CHN2: variants seen among roughly 807,000 people sequenced by gnomAD.
The protein encoded by CHN2 is beta-chimaerin.
Under a neutral mutation model 56.3 loss-of-function variants are expected in CHN2, and 35 were observed. That is an observed-to-expected ratio of 0.62 (90% CI 0.47 to 0.82). The LOEUF is 0.82. Among genes scored for constraint, CHN2 ranks in the 40% least tolerant of loss-of-function variants. The pLI is 0.00. For synonymous variants in CHN2, 210 were observed against 212.8 expected, an observed-to-expected ratio of 0.99 and a Z score of 0.12; for missense variants, 491 against 580.5, an observed-to-expected ratio of 0.85 and a Z score of 1.58.
intron 2 of CHN2, among the ~76,000 whole-genome samples, chr7:29,360,099 T>C (rs74660621): frequency 0.029 from 4,460 of 152,318 alleles, 243 homozygotes; most frequent in African/African-American, 0.1. Context: ...GGATCTGCAA[T>C]GTATCAAACC....
chr7:29,464,222 C>G (rs1785388531), intron 6 of CHN2, among the ~76,000 whole-genome samples: 1 of 152,298 alleles, frequency 6.6e-6, no homozygotes, highest in South Asian at 2.1e-4. Flanking sequence ...TCAATCAACA[C>G]AACAATCCTG....
intron 1 of CHN2, among the ~76,000 whole-genome samples, chr7:29,301,354 C>CACAA (rs1457037226): frequency 1.0e-4 from 14 of 140,360 alleles, no homozygotes; most frequent in Non-Finnish European, 1.9e-4. Flanking sequence ...CACACACACA[C>CACAA]ACACACACAC....
chr7:29,245,435 A>T (rs39089), intron 1 of CHN2, among the ~76,000 whole-genome samples: 110,808 of 152,126 alleles, frequency 0.73, 41,192 homozygotes, highest in East Asian at 0.93. Flanking sequence ...GGGCAAAACA[A>T]GGTGGTAGGT....
At chr7:29,416,760 A>G (rs569187214) in intron 6 of CHN2, among the ~76,000 whole-genome samples, 6 of 150,702 alleles carry the variant, frequency 4.0e-5, no homozygotes, top group African/African-American at 1.5e-4. Context: ...AATCATATGC[A>G]TATGTATGTA....
In CHN2 at chr7:29,396,854, G is replaced by A. The variant is rs758143232; in HGVS notation, c.177-1519G>A. On this transcript the variant is annotated intron_variant, in intron 4 of 12. Transcript: ENST00000222792. ...GGAGGCTCCTCCGCAAAGTTCCTAG[G>A]TCCAGTGACCTCACTATCAAAGCTC... 38 of 152,806 alleles carry A rather than the reference G, an allele frequency of 2.5e-4. 1 individual carries two copies. Among genetic ancestry groups the A allele is most frequent in the Admixed American group, 8.5e-4 (13 of 15,274 alleles). 9.5% of individuals were successfully genotyped at this position (152,806 alleles called of 1,614,324 possible).
At chr7:29,283,598 C>G (rs138857244) in intron 1 of CHN2, among the ~76,000 whole-genome samples, 2 of 152,004 alleles carry the variant, frequency 1.3e-5, no homozygotes, top group South Asian at 4.2e-4. Context: ...TATGCAAGCT[C>G]TTTATATTTA....
At chr7:29,207,294 C>G (rs1218251438) in intron 1 of CHN2, among the ~76,000 whole-genome samples, 1 of 152,190 alleles carries the variant, frequency 6.6e-6, no homozygotes, top group African/African-American at 2.4e-5. Flanking sequence ...ATAACTTGCT[C>G]AATACATGGG....
chr7:29,375,186 G>A (rs1370562953), intron 3 of CHN2, among the ~76,000 whole-genome samples: 1 of 119,228 alleles, frequency 8.4e-6, no homozygotes. Context: ...CACCGTGCTC[G>A]GCCCTTTTTT....
At chr7:29,236,484 G>T (rs1161213679) in intron 1 of CHN2, among the ~76,000 whole-genome samples, 1 of 152,226 alleles carries the variant, frequency 6.6e-6, no homozygotes, top group African/African-American at 2.4e-5. Flanking sequence ...TGTGCAGTCA[G>T]TGAAGAGCTG....
chr7:29,447,112 A>C (rs1481698251), intron 6 of CHN2, among the ~76,000 whole-genome samples: 6 of 152,210 alleles, frequency 3.9e-5, no homozygotes, highest in Admixed American at 2.6e-4. Context: ...AAAATTACAG[A>C]TGGGGGAAGA....
At chr7:29,259,020 G>C (rs1789315314) in intron 1 of CHN2, among the ~76,000 whole-genome samples, 1 of 87,284 alleles carries the variant, frequency 1.1e-5, no homozygotes, top group South Asian at 4.5e-4. Flanking sequence ...GTACTATGTA[G>C]CTTAAAAAAA....
intron 6 of CHN2, among the ~76,000 whole-genome samples, chr7:29,455,079 A>C (rs1486901242): frequency 1.3e-5 from 2 of 152,180 alleles, no homozygotes; most frequent in Non-Finnish European, 2.9e-5. Flanking sequence ...AGGGGTAGGC[A>C]GGTGAGCAAT....
intron 4 of CHN2, chr7:29,397,781 T>C (rs1801873351): frequency 6.6e-6 from 1 of 152,432 alleles, no homozygotes; most frequent in Non-Finnish European, 1.5e-5. Context: ...GGTTTTAAAA[T>C]GGTAGAGAAG....
At chr7:29,186,928 C>T (rs1228876070) in intron 2 of CHN2, among the ~76,000 whole-genome samples, 1 of 152,058 alleles carries the variant, frequency 6.6e-6, no homozygotes, top group Admixed American at 6.6e-5. Context: ...AGTTGTTGAG[C>T]ATTTTAATTA....
chr7:29,354,697 C>T (rs372441589), intron 2 of CHN2, 34 bp downstream of exon 2: 28 of 1,594,232 alleles, frequency 1.8e-5, no homozygotes, highest in East Asian at 2.2e-5. Flanking sequence ...CCCCAGAAGT[C>T]GTTAGCAGGC....
intron 1 of CHN2, 131 bp downstream of exon 1, chr7:29,195,121 G>A: frequency 2.2e-6 from 2 of 929,784 alleles, no homozygotes; most frequent in Non-Finnish European, 3.1e-6. Flanking sequence ...GCAGGCGTCC[G>A]GGGTGATACT....
intron 2 of CHN2, among the ~76,000 whole-genome samples, chr7:29,160,392 C>T (rs923963241): frequency 3.3e-5 from 5 of 152,150 alleles, no homozygotes; most frequent in African/African-American, 1.2e-4. Flanking sequence ...CCATGTCATT[C>T]CCCTTCCTGT....
At chr7:29,235,871 C>T (rs901170068) in intron 1 of CHN2, among the ~76,000 whole-genome samples, 1 of 152,148 alleles carries the variant, frequency 6.6e-6, no homozygotes, top group African/African-American at 2.4e-5. Context: ...ACAACAGGCA[C>T]TGGGCCGGCT....
At chr7:29,297,695 C>T (rs1793295464) in intron 1 of CHN2, among the ~76,000 whole-genome samples, 1 of 151,916 alleles carries the variant, frequency 6.6e-6, no homozygotes, top group Non-Finnish European at 1.5e-5. Flanking sequence ...GCATGTTGGG[C>T]TTCTGGGTTC....
Sources: allele counts gnomAD v4.1 joint callset (sites outside exome capture counted in the v4.1 genomes callset), GRCh38; gene constraint gnomAD v4.1.1; transcripts MANE v1.5; gene names NCBI Gene and HGNC (gene_info 2026-07-23, HGNC 2026-07-21).